STMP1: variants seen among roughly 807,000 people sequenced by gnomAD.
The protein encoded by STMP1 is short transmembrane mitochondrial protein 1.
STMP1 carries 7 observed loss-of-function variants against 7.0 expected under a neutral mutation model. The ratio of observed to expected loss-of-function variants is 1.01; its 90% CI spans 0.57 to 1.89. The LOEUF is 1.89. Ranked by LOEUF, STMP1 falls within the 40% of genes most tolerant of loss-of-function variation. The pLI is 0.00. For synonymous variants in STMP1, 19 were observed against 18.4 expected, an observed-to-expected ratio of 1.03 and a Z score of -0.08; for missense variants, 45 against 53.0, an observed-to-expected ratio of 0.85 and a Z score of 0.47.
intron 1 of STMP1, among the ~76,000 whole-genome samples, chr7:135,668,180 A>G (rs1795315698): frequency 6.6e-6 from 1 of 152,202 alleles, no homozygotes; most frequent in African/African-American, 2.4e-5. Flanking sequence ...ATTGATCAAT[A>G]GAAACAATTC....
intron 1 of STMP1, among the ~76,000 whole-genome samples, chr7:135,664,582 C>T (rs1161065746): frequency 1.3e-5 from 2 of 151,984 alleles, no homozygotes; most frequent in African/African-American, 2.4e-5. Flanking sequence ...GTTGGGATTA[C>T]AGGCATGAGC....
chr7:135,670,285 G>A (rs191312123), intron 1 of STMP1, among the ~76,000 whole-genome samples: 9 of 152,262 alleles, frequency 5.9e-5, no homozygotes, highest in Admixed American at 2.0e-4. Context: ...GGAATACTAA[G>A]GGGTGACCAT....
chr7:135,672,219 A>G (rs1208691673), intron 1 of STMP1, among the ~76,000 whole-genome samples: 1 of 152,206 alleles, frequency 6.6e-6, no homozygotes, highest in Non-Finnish European at 1.5e-5. Flanking sequence ...ACCTCAAGTG[A>G]TCTACCACTT....
intron 1 of STMP1, chr7:135,665,742 G>C (rs961277676): frequency 6.6e-6 from 1 of 152,070 alleles, no homozygotes; most frequent in African/African-American, 2.4e-5. Flanking sequence ...CCTCTTTGCA[G>C]ATAGTTACCA....
chr7:135,670,166 A>G (rs1363612705), intron 1 of STMP1, among the ~76,000 whole-genome samples: 1 of 152,188 alleles, frequency 6.6e-6, no homozygotes, highest in African/African-American at 2.4e-5. Flanking sequence ...CTACTTTTTC[A>G]TACCCCTAAA....
At chr7:135,672,014 C>T (rs1008393692) in intron 1 of STMP1, among the ~76,000 whole-genome samples, 2 of 152,198 alleles carry the variant, frequency 1.3e-5, no homozygotes, top group African/African-American at 4.8e-5. Flanking sequence ...GTGTCTTGCT[C>T]TGTCTCCCAG....
At chr7:135,672,827 C>T in intron 2 of STMP1, 21 bp downstream of exon 2, 2 of 1,542,130 alleles carry the variant, frequency 1.3e-6, no homozygotes, top group Non-Finnish European at 1.8e-6. Flanking sequence ...ATATCCATGA[C>T]TTCCTTGATT....
chr7:135,670,954 A>AT (rs1341477735), intron 1 of STMP1, among the ~76,000 whole-genome samples: 1 of 152,000 alleles, frequency 6.6e-6, no homozygotes, highest in East Asian at 1.9e-4. Context: ...GAACTCGATT[A>AT]TTTTTTTTGA....
intron 1 of STMP1, among the ~76,000 whole-genome samples, chr7:135,664,799 G>T (rs533695119): frequency 2.6e-5 from 4 of 151,902 alleles, no homozygotes; most frequent in Non-Finnish European, 5.9e-5. Flanking sequence ...TGTCAAATGA[G>T]CCACTGACTC....
intron 1 of STMP1, among the ~76,000 whole-genome samples, chr7:135,663,935 C>T (rs747495243): frequency 6.6e-6 from 1 of 152,252 alleles, no homozygotes; most frequent in Non-Finnish European, 1.5e-5. Flanking sequence ...TGAGCCTCCG[C>T]GCCCGGCCCC....
At chr7:135,664,524 T>A (rs539715384) in intron 1 of STMP1, among the ~76,000 whole-genome samples, 7 of 151,920 alleles carry the variant, frequency 4.6e-5, no homozygotes, top group South Asian at 4.2e-4. Context: ...TGACTAATTT[T>A]AAAATTTTTT....
At chr7:135,664,244 T>C (rs1436694061) in intron 1 of STMP1, among the ~76,000 whole-genome samples, 1 of 152,236 alleles carries the variant, frequency 6.6e-6, no homozygotes, top group African/African-American at 2.4e-5. Flanking sequence ...CTGTTGCTCA[T>C]TGATAAACTG....
At position 135,674,318 on chromosome 7, in the gene STMP1, A is replaced by G. The variant is rs1795387529; in HGVS notation, c.*153A>G. Reference sequence around the variant, plus strand: ...TGTTTTTTGCTTTAAAGCAAGCAAAATGGGGCCCCAATTTGAGAACTACCC... The same window carrying G: ...TGTTTTTTGCTTTAAAGCAAGCAAAGTGGGGCCCCAATTTGAGAACTACCC... On this transcript the variant is annotated 3_prime_UTR_variant, in exon 3 of 3. Coordinates refer to ENST00000507606, the MANE Select transcript of STMP1 (RefSeq NM_001130929.2). 2 of 590,468 alleles carry G rather than the reference A, an allele frequency of 3.4e-6. No homozygotes were observed. Among genetic ancestry groups the G allele is most frequent in the South Asian group, 5.1e-5 (2 of 39,200 alleles). 36.6% of individuals were successfully genotyped at this position (590,468 alleles called of 1,614,324 possible). A position where few individuals can be genotyped will look rare whatever the true frequency, so the allele number is the denominator to read the frequency against.
At chr7:135,669,688 T>C (rs1047035929) in intron 1 of STMP1, among the ~76,000 whole-genome samples, 1 of 152,268 alleles carries the variant, frequency 6.6e-6, no homozygotes, top group African/African-American at 2.4e-5. Context: ...TAGCACTTTG[T>C]AATCTAAATG....
intron 2 of STMP1, chr7:135,673,076 A>C: frequency 4.5e-6 from 2 of 443,126 alleles, no homozygotes; most frequent in Non-Finnish European, 8.0e-6. Context: ...GCCGAGAGTA[A>C]TATTAAGTTG....
At chr7:135,666,807 G>A (rs1795299257) in intron 1 of STMP1, among the ~76,000 whole-genome samples, 1 of 152,222 alleles carries the variant, frequency 6.6e-6, no homozygotes, top group South Asian at 2.1e-4. Flanking sequence ...TTTTGGCTAT[G>A]ATGAGTAATC....
rs761455648 is a variant in STMP1 at position 135,673,687 on chromosome 7, C to T, written c.70-404C>T. ...GGTGCAGTGGCTCACGCCTGTAATCCTAGCACTTTGGGAGGCCGAGGTGGG... is the reference window on the plus strand; with the variant it reads ...GGTGCAGTGGCTCACGCCTGTAATCTTAGCACTTTGGGAGGCCGAGGTGGG... On this transcript the variant is annotated intron_variant, in intron 2 of 2. Coordinates refer to ENST00000507606, the MANE Select transcript of STMP1 (RefSeq NM_001130929.2). Among the ~76,000 whole-genome samples, 15 of 152,312 alleles carry T rather than the reference C, an allele frequency of 9.8e-5. 1 individual carries two copies. In the South Asian group the frequency reaches 3.1e-3, roughly 32 times the overall value.
In STMP1 at chr7:135,675,627, T is replaced by C. The variant is rs1795405713; in HGVS notation, c.*1462T>C. On this transcript the variant is annotated 3_prime_UTR_variant, in exon 3 of 3. Coordinates refer to ENST00000507606, the MANE Select transcript of STMP1 (RefSeq NM_001130929.2). ...AATTTAGACTAAATACAAATACCCATTTCGCTAGCTGTTTTGTTTCAGAGG... is the reference window on the plus strand; with the variant it reads ...AATTTAGACTAAATACAAATACCCACTTCGCTAGCTGTTTTGTTTCAGAGG... 1 of 152,200 alleles carries C rather than the reference T, an allele frequency of 6.6e-6. No homozygotes were observed. The highest frequency in any genetic ancestry group is 2.1e-4 in the South Asian group (1 of 4,824). 9.4% of individuals were successfully genotyped at this position (152,200 alleles called of 1,614,324 possible).
At chr7:135,668,819 T>A (rs1458504974) in intron 1 of STMP1, among the ~76,000 whole-genome samples, 3 of 152,238 alleles carry the variant, frequency 2.0e-5, no homozygotes, top group African/African-American at 7.2e-5. Context: ...TTTATGCCAG[T>A]CATCACATGT....
Sources: gnomAD v4.1 joint callset for allele counts (sites outside exome capture counted in the v4.1 genomes callset) on GRCh38, gnomAD v4.1.1 for gene constraint, MANE v1.5 for transcripts, NCBI Gene and HGNC (gene_info 2026-07-23, HGNC 2026-07-21) for gene names.